The following SPATA13 variants were observed in gnomAD, a reference collection of about 807,000 sequenced individuals.
The protein encoded by SPATA13 is spermatogenesis associated 13.
In SPATA13, 50 loss-of-function variants were observed where a neutral mutation model predicts 104.0. The ratio of observed to expected loss-of-function variants is 0.48; its 90% CI spans 0.38 to 0.61. The LOEUF (loss-of-function observed/expected upper bound fraction) is 0.61. Ranked by LOEUF, SPATA13 falls within the 20% of genes least tolerant of loss-of-function variation. SPATA13 has a pLI of 0.00. For synonymous variants in SPATA13, 606 were observed against 667.5 expected (o/e 0.91, Z 1.42); for missense variants, 1,524 against 1,690.6 (o/e 0.90, Z 1.73).
At chr13:24,114,627 C>T (rs1217854286) in intron 3 of SPATA13, among the ~76,000 whole-genome samples, 1 of 151,968 alleles carries the variant, frequency 6.6e-6, no homozygotes, top group Non-Finnish European at 1.5e-5. Flanking sequence ...CAAGGTCAAA[C>T]TCTCCTTAGT....
At chr13:24,199,849 T>A (rs1870300613) in intron 1 of SPATA13, among the ~76,000 whole-genome samples, 2 of 152,224 alleles carry the variant, frequency 1.3e-5, no homozygotes, top group Non-Finnish European at 2.9e-5. Flanking sequence ...TGTAAGTAAT[T>A]GTAATCCAAT....
At chr13:24,019,913 C>T (rs546612742) in intron 3 of SPATA13, among the ~76,000 whole-genome samples, 4 of 152,260 alleles carry the variant, frequency 2.6e-5, no homozygotes, top group African/African-American at 9.6e-5. Flanking sequence ...ATCTCTCTCG[C>T]CCTGGAGTCT....
intron 3 of SPATA13, among the ~76,000 whole-genome samples, chr13:24,078,792 G>T (rs928679154): frequency 1.3e-5 from 2 of 152,170 alleles, no homozygotes; most frequent in Non-Finnish European, 2.9e-5. Context: ...GTGTGATGGG[G>T]TTCAGCCCTG....
chr13:24,006,549 G>GAGGCC (rs1876240362), intron 2 of SPATA13, among the ~76,000 whole-genome samples: 1 of 152,230 alleles, frequency 6.6e-6, no homozygotes, highest in South Asian at 2.1e-4. Flanking sequence ...GGAGCGAATA[G>GAGGCC]AGGCCAGGCC....
chr13:24,021,991 G>A lies in SPATA13; in HGVS notation c.-112+4290G>A, dbSNP rs555860588. ...CTCCCAAAGTGCTGGGATTACAGGCGTGAGCCACTGCGCCCGGCCAGTTGT... is the reference window on the plus strand; with the variant it reads ...CTCCCAAAGTGCTGGGATTACAGGCATGAGCCACTGCGCCCGGCCAGTTGT... On this transcript the variant is annotated intron_variant, in intron 3 of 14. Transcript: ENST00000424834. 5.3e-5 allele frequency among the ~76,000 whole-genome samples: 8 copies of A among 151,688 alleles called. No individual in the cohort carries two copies. In the East Asian group the frequency reaches 1.2e-3, roughly 22 times the overall value.
chr13:24,203,375 T>G (rs993907477), intron 1 of SPATA13, among the ~76,000 whole-genome samples: 2 of 152,126 alleles, frequency 1.3e-5, no homozygotes, highest in African/African-American at 4.8e-5. Context: ...CTCAACTTTT[T>G]AAGTAGCTTT....
chr13:23,995,513 T>C (rs185917820), intron 2 of SPATA13, among the ~76,000 whole-genome samples: 5 of 152,328 alleles, frequency 3.3e-5, no homozygotes, highest in Non-Finnish European at 7.4e-5. Context: ...GGGGCCCTAA[T>C]TGGCAGCCGT....
intron 2 of SPATA13, among the ~76,000 whole-genome samples, chr13:24,231,244 G>GCCT (rs1050802026): frequency 2.0e-5 from 3 of 152,168 alleles, no homozygotes; most frequent in African/African-American, 7.2e-5. Flanking sequence ...CCAGAAAGAA[G>GCCT]CCTCGCGCCA....
chr13:24,100,270 C>G (rs1382918318), intron 3 of SPATA13, among the ~76,000 whole-genome samples: 3 of 152,220 alleles, frequency 2.0e-5, no homozygotes, highest in Admixed American at 1.3e-4. Flanking sequence ...TATATTGCCG[C>G]ACTGCATTGA....
At chr13:24,229,710 A>T (rs1872154008) in intron 2 of SPATA13, among the ~76,000 whole-genome samples, 2 of 152,256 alleles carry the variant, frequency 1.3e-5, no homozygotes. Flanking sequence ...ACTTAAAAAA[A>T]AAGCATAAGA....
chr13:24,151,471 T>C (rs561663846), intron 3 of SPATA13, among the ~76,000 whole-genome samples: 2 of 152,364 alleles, frequency 1.3e-5, no homozygotes, highest in African/African-American at 4.8e-5. Flanking sequence ...GGCTGTAATA[T>C]TGAATGTTTC....
chr13:24,300,698 C>T (rs1877121695), intron 12 of SPATA13: 3 of 544,084 alleles, frequency 5.5e-6, no homozygotes, highest in Non-Finnish European at 9.9e-6. Context: ...CATAGGAAAC[C>T]TTCAGAGGGG....
intron 3 of SPATA13, among the ~76,000 whole-genome samples, chr13:24,086,893 G>A (rs545679374): frequency 6.6e-6 from 1 of 152,314 alleles, no homozygotes; most frequent in South Asian, 2.1e-4. Context: ...GGTCAGAGGA[G>A]CAGCCCAGGA....
rs1268357535 is a variant in SPATA13, at chr13:24,299,755, C to T, written c.3584-646C>T. ...GAGAAGGCAGGGCCCCAGCACCCAG[C>T]CCTGGCCATTCAGCTCTGTCCTTCC... On this transcript the variant is annotated intron_variant, in intron 11 of 12. Coordinates refer to ENST00000382108, the MANE Select transcript of SPATA13 (RefSeq NM_001166271.3). 3.3e-5 allele frequency among the ~76,000 whole-genome samples: 5 copies of T among 152,332 alleles called. No homozygotes were observed. In the East Asian group the frequency reaches 9.7e-4, roughly 29 times the overall value.
chr13:24,207,965 G>A (rs4770629), intron 1 of SPATA13, among the ~76,000 whole-genome samples: 102,793 of 152,056 alleles, frequency 0.68, 35,010 homozygotes, highest in South Asian at 0.83. Context: ...AATATCTGGC[G>A]TATAGACATT....
At chr13:24,102,902 T>A (rs1336168614) in intron 3 of SPATA13, among the ~76,000 whole-genome samples, 1 of 152,254 alleles carries the variant, frequency 6.6e-6, no homozygotes, top group Non-Finnish European at 1.5e-5. Context: ...TTCCCTATGT[T>A]TTCCTTCTAG....
chr13:24,255,193 C>G (rs1401750980), intron 4 of SPATA13, among the ~76,000 whole-genome samples: 2 of 152,106 alleles, frequency 1.3e-5, no homozygotes, highest in Non-Finnish European at 2.9e-5. Context: ...GTTTCCCTGT[C>G]CTGAGGACAC....
chr13:24,238,613 A>C (rs1243654135), intron 2 of SPATA13, among the ~76,000 whole-genome samples: 1 of 152,138 alleles, frequency 6.6e-6, no homozygotes, highest in Admixed American at 6.6e-5. Flanking sequence ...CCAGGGCCAG[A>C]GCGGTGCCAT....
In SPATA13 at chr13:24,043,479, T is replaced by TAC. The variant is rs34690904; in HGVS notation, c.-112+25793_-112+25794dup. Among the ~76,000 whole-genome samples, 1,425 of 151,840 alleles carry TAC rather than the reference T, an allele frequency of 9.4e-3. 27 individuals carry two copies. The highest frequency in any genetic ancestry group is 0.031 in the African/African-American group (1,284 of 41,330). On this transcript the variant is annotated intron_variant, in intron 3 of 14. Transcript: ENST00000424834. ...CCAGGTTCTGGACCTTGATTGATAT[T>TAC]ACACACACACACACACCCATGAACA...
Sources: allele counts gnomAD v4.1 joint callset (sites outside exome capture counted in the v4.1 genomes callset), GRCh38; gene constraint gnomAD v4.1.1; transcripts MANE v1.5; gene names NCBI Gene and HGNC (gene_info 2026-07-23, HGNC 2026-07-21).